PTPN14: variants seen among roughly 807,000 people sequenced by gnomAD.
PTPN14 encodes tyrosine-protein phosphatase non-receptor type 14.
A neutral mutation model predicts 126.8 loss-of-function variants in PTPN14; 53 were observed. The ratio of observed to expected loss-of-function variants is 0.42; its 90% CI spans 0.34 to 0.53. The LOEUF (loss-of-function observed/expected upper bound fraction) is 0.53. Ranked by LOEUF, PTPN14 falls within the 20% of genes least tolerant of loss-of-function variation. The probability of loss-of-function intolerance (pLI) is 0.08; values close to 1 mark genes in which losing one functional copy is unlikely to be tolerated. For missense variants in PTPN14, 1,257 were observed against 1,552.9 expected (o/e 0.81, Z 3.20); for synonymous variants, 630 against 599.3 (o/e 1.05, Z -0.75).
chr1:214,493,662 A>T (rs949889809), intron 1 of PTPN14, among the ~76,000 whole-genome samples: 2 of 152,240 alleles, frequency 1.3e-5, no homozygotes, highest in Admixed American at 6.5e-5. Flanking sequence ...ACTGTAATCT[A>T]TTCAGAGACA....
chr1:214,453,171 A>G (rs1203381713), intron 2 of PTPN14, among the ~76,000 whole-genome samples: 1 of 152,248 alleles, frequency 6.6e-6, no homozygotes, highest in Non-Finnish European at 1.5e-5. Flanking sequence ...CCAAAGGACA[A>G]GTTCACATCA....
chr1:214,362,231 C>T (rs1325448907), intron 18 of PTPN14, among the ~76,000 whole-genome samples: 1 of 152,216 alleles, frequency 6.6e-6, no homozygotes, highest in Admixed American at 6.5e-5. Flanking sequence ...CCCCGCTAAC[C>T]ATCTACCAAT....
At chr1:214,519,026 T>G (rs1290573209) in intron 1 of PTPN14, among the ~76,000 whole-genome samples, 1 of 152,146 alleles carries the variant, frequency 6.6e-6, no homozygotes, top group African/African-American at 2.4e-5. Context: ...CCTAGCACTT[T>G]GGGAGTCCAA....
intron 3 of PTPN14, among the ~76,000 whole-genome samples, chr1:214,421,824 C>G (rs1659551089): frequency 6.6e-6 from 1 of 152,144 alleles, no homozygotes; most frequent in Non-Finnish European, 1.5e-5. Flanking sequence ...TGCCTATCCT[C>G]CATTTGCCCA....
chr1:214,484,844 C>T lies in PTPN14; in HGVS notation c.-154-19887G>A, dbSNP rs530650497. Among the ~76,000 whole-genome samples, 179 of 152,204 alleles carry T rather than the reference C, an allele frequency of 1.2e-3. 1 individual carries two copies. Among genetic ancestry groups the T allele is most frequent in the African/African-American group, 4.2e-3 (176 of 41,518 alleles). On this transcript the variant is annotated intron_variant, in intron 1 of 18. Coordinates refer to ENST00000366956, the MANE Select transcript of PTPN14 (RefSeq NM_005401.5). ...GATGTCTTCAGGGGAAGCAAAAGTG[C>T]GAGGTGCTGAGATTATCTGAAAAGG... is the stretch of plus-strand genomic sequence containing the variant.
chr1:214,512,672 A>C (rs1395261823), intron 1 of PTPN14, among the ~76,000 whole-genome samples: 1 of 152,128 alleles, frequency 6.6e-6, no homozygotes, highest in Non-Finnish European at 1.5e-5. Context: ...TTTTCACTAC[A>C]ATGTTTTTAG....
intron 1 of PTPN14, among the ~76,000 whole-genome samples, chr1:214,477,335 A>G (rs1660889665): frequency 1.3e-5 from 2 of 152,240 alleles, no homozygotes; most frequent in Admixed American, 1.3e-4. Context: ...CGTGCTGCTC[A>G]TTAAAGGTAT....
At chr1:214,537,517 T>C (rs1172626663) in intron 1 of PTPN14, among the ~76,000 whole-genome samples, 1 of 152,170 alleles carries the variant, frequency 6.6e-6, no homozygotes, top group Non-Finnish European at 1.5e-5. Flanking sequence ...TCATCTACAA[T>C]AGGCCAAAGA....
chr1:214,522,315 G>C (rs915082034), intron 1 of PTPN14, among the ~76,000 whole-genome samples: 3 of 152,118 alleles, frequency 2.0e-5, no homozygotes, highest in Non-Finnish European at 4.4e-5. Flanking sequence ...ATCAAAAGTA[G>C]CTTCAATGGA....
At chr1:214,378,571 TAAA>T (rs1658399994) in intron 13 of PTPN14, among the ~76,000 whole-genome samples, 1 of 152,218 alleles carries the variant, frequency 6.6e-6, no homozygotes, top group Admixed American at 6.5e-5. Context: ...TCCACACACA[TAAA>T]CTGTAGAGGA....
At chr1:214,445,565 C>CA (rs397741968) in intron 3 of PTPN14, among the ~76,000 whole-genome samples, 175 of 142,880 alleles carry the variant, frequency 1.2e-3, no homozygotes, top group Admixed American at 1.6e-3. Context: ...AAAAAAAAAA[C>CA]CACAAAATTA....
intron 1 of PTPN14, among the ~76,000 whole-genome samples, chr1:214,493,972 A>G (rs1202113597): frequency 6.6e-6 from 1 of 152,238 alleles, no homozygotes; most frequent in Non-Finnish European, 1.5e-5. Flanking sequence ...ATTTACGTGG[A>G]CACATCAAAG....
At chr1:214,524,597 G>C (rs1655342587) in intron 1 of PTPN14, among the ~76,000 whole-genome samples, 1 of 152,068 alleles carries the variant, frequency 6.6e-6, no homozygotes, top group African/African-American at 2.4e-5. Context: ...GGCTGCAGTG[G>C]GCTATGATCG....
intron 1 of PTPN14, among the ~76,000 whole-genome samples, chr1:214,518,416 T>A (rs1655161521): frequency 1.3e-5 from 2 of 152,220 alleles, no homozygotes; most frequent in Admixed American, 1.3e-4. Flanking sequence ...TTCATTAAGG[T>A]CATTAAGCAT....
At position 214,384,854 on chromosome 1, in the gene PTPN14, A is replaced by G. The variant is rs1201297602; in HGVS notation, c.1067-66T>C. ...TCCTGCCACAACAAAGTACATCCTC[A>G]TACTCATGAGGTGACTTTTAATTTA... On this transcript the variant is annotated intron_variant, in intron 12 of 18. Coordinates refer to ENST00000366956, the MANE Select transcript of PTPN14 (RefSeq NM_005401.5). This position sits in a 1 kb window ranked among gnomAD's most constrained non-coding sequence, Gnocchi z 5.3. 1 of 1,532,418 alleles carries G rather than the reference A, an allele frequency of 6.5e-7. No individual in the cohort carries two copies. The highest frequency in any genetic ancestry group is 8.8e-7 in the Non-Finnish European group (1 of 1,138,428). The allele number at this position is 1,532,418 out of a possible 1,614,324, so 94.9% of individuals were successfully genotyped here. A position where few individuals can be genotyped will look rare whatever the true frequency, so the allele number is the denominator to read the frequency against.
At chr1:214,506,647 G>T (rs1041181356) in intron 1 of PTPN14, among the ~76,000 whole-genome samples, 7 of 152,182 alleles carry the variant, frequency 4.6e-5, no homozygotes, top group African/African-American at 1.7e-4. Context: ...GTATCTTCGT[G>T]GTAGTGGGGT....
chr1:214,406,005 C>G (rs767232007), intron 5 of PTPN14, among the ~76,000 whole-genome samples: 17 of 152,130 alleles, frequency 1.1e-4, no homozygotes, highest in Non-Finnish European at 2.4e-4. Flanking sequence ...TACAATGGGG[C>G]AGGGGCAGGG....
intron 1 of PTPN14, among the ~76,000 whole-genome samples, chr1:214,493,179 G>C (rs1661288443): frequency 6.6e-6 from 1 of 152,202 alleles, no homozygotes; most frequent in African/African-American, 2.4e-5. Flanking sequence ...CCTCAGAACG[G>C]ACTGCCTACG....
chr1:214,408,737 G>A (rs1659228326), intron 5 of PTPN14, among the ~76,000 whole-genome samples: 2 of 152,172 alleles, frequency 1.3e-5, no homozygotes, highest in Admixed American at 1.3e-4. Context: ...GGTGGTTAAG[G>A]AAAGGAAGAG....
Sources: gnomAD v4.1 joint callset for allele counts (sites outside exome capture counted in the v4.1 genomes callset) on GRCh38, gnomAD v4.1.1 for gene constraint, Gnocchi (gnomAD v3.1) non-coding constraint, MANE v1.5 for transcripts, NCBI Gene and HGNC (gene_info 2026-07-23, HGNC 2026-07-21) for gene names.